MACC1: variants seen among roughly 807,000 people sequenced by gnomAD.
MACC1 encodes the protein metastasis-associated in colon cancer protein 1.
MACC1 carries 79 observed loss-of-function variants against 70.7 expected under a neutral mutation model. The ratio of observed to expected loss-of-function variants is 1.12; its 90% CI spans 0.93 to 1.35. The LOEUF (loss-of-function observed/expected upper bound fraction) is 1.35. Among genes scored for constraint, MACC1 ranks in the 40% most tolerant of loss-of-function variants. The pLI is 0.00. For synonymous variants in MACC1, 361 were observed against 347.2 expected (o/e 1.04, Z -0.44); for missense variants, 1,106 against 978.1 (o/e 1.13, Z -1.74).
At chr7:20,194,328 C>T (rs114378319) in intron 1 of MACC1, among the ~76,000 whole-genome samples, 1,775 of 152,226 alleles carry the variant, frequency 0.012, 33 homozygotes, top group African/African-American at 0.04. Flanking sequence ...TCAGTGATGT[C>T]AGAAGGCAGG....
At chr7:20,169,929 C>T (rs1782278719) in intron 2 of MACC1, among the ~76,000 whole-genome samples, 6 of 152,180 alleles carry the variant, frequency 3.9e-5, no homozygotes, top group Admixed American at 3.9e-4. Flanking sequence ...ATAGAAATAA[C>T]TTTGCCAACT....
intron 1 of MACC1, among the ~76,000 whole-genome samples, chr7:20,176,828 G>A (rs1356888676): frequency 2.6e-5 from 4 of 152,206 alleles, no homozygotes; most frequent in African/African-American, 9.6e-5. Context: ...AGTCGCATAA[G>A]GTATGATTTC....
At chr7:20,177,764 T>G (rs2128105448) in intron 1 of MACC1, among the ~76,000 whole-genome samples, 1 of 151,404 alleles carries the variant, frequency 6.6e-6, no homozygotes, top group Admixed American at 6.6e-5. Context: ...TAATGCATCT[T>G]ACAGGGGAAG....
At chr7:20,187,852 T>C (rs1347975288) in intron 1 of MACC1, among the ~76,000 whole-genome samples, 1 of 152,194 alleles carries the variant, frequency 6.6e-6, no homozygotes, top group Non-Finnish European at 1.5e-5. Flanking sequence ...GCTTCATATT[T>C]TAGTTAAGAG....
chr7:20,148,348 C>A (rs1261986960), intron 6 of MACC1, among the ~76,000 whole-genome samples: 5 of 152,142 alleles, frequency 3.3e-5, no homozygotes, highest in African/African-American at 1.2e-4. Context: ...TGCTATAAAT[C>A]TAGGGCCATT....
At chr7:20,188,609 C>T (rs776299871) in intron 1 of MACC1, among the ~76,000 whole-genome samples, 15 of 152,254 alleles carry the variant, frequency 9.9e-5, no homozygotes, top group Non-Finnish European at 2.1e-4. Context: ...CAGGCACACA[C>T]ACAAAGTACT....
intron 1 of MACC1, among the ~76,000 whole-genome samples, chr7:20,208,800 C>A (rs1401760218): frequency 2.0e-5 from 3 of 152,236 alleles, no homozygotes; most frequent in African/African-American, 7.2e-5. Flanking sequence ...CCTCGAATCA[C>A]AGGCCCAGAG....
At chr7:20,181,177 A>T (rs1473589723) in intron 1 of MACC1, among the ~76,000 whole-genome samples, 1 of 152,078 alleles carries the variant, frequency 6.6e-6, no homozygotes, top group Non-Finnish European at 1.5e-5. Flanking sequence ...TAGGACTGCC[A>T]GCTAAAACTA....
At chr7:20,209,570 A>T (rs954830454) in intron 1 of MACC1, among the ~76,000 whole-genome samples, 3 of 152,226 alleles carry the variant, frequency 2.0e-5, no homozygotes, top group Non-Finnish European at 4.4e-5. Context: ...TCTAGGGAGT[A>T]ACTAACTTGT....
At chr7:20,188,771 A>G (rs1318400879) in intron 1 of MACC1, among the ~76,000 whole-genome samples, 2 of 152,122 alleles carry the variant, frequency 1.3e-5, no homozygotes, top group Non-Finnish European at 2.9e-5. Flanking sequence ...ATTGCTCAAC[A>G]TGCTTGACCT....
chr7:20,143,312 A>T (rs1781834576), intron 6 of MACC1, among the ~76,000 whole-genome samples: 1 of 152,222 alleles, frequency 6.6e-6, no homozygotes, highest in South Asian at 2.1e-4. Flanking sequence ...AGGTCCGACG[A>T]CACATCTACT....
chr7:20,204,444 C>A (rs1782880700), intron 1 of MACC1, among the ~76,000 whole-genome samples: 1 of 152,202 alleles, frequency 6.6e-6, no homozygotes, highest in Admixed American at 6.5e-5. Flanking sequence ...TGAGCCACTG[C>A]ACCCGGCCTG....
chr7:20,173,962 T>C (rs1782353780), intron 1 of MACC1, among the ~76,000 whole-genome samples: 1 of 152,172 alleles, frequency 6.6e-6, no homozygotes, highest in Admixed American at 6.5e-5. Flanking sequence ...TCAGATTTGA[T>C]TCATAAAAAT....
Position 20,154,276 on chromosome 7 carries a change from C to T in MACC1, c.2263G>A (p.Glu755Lys), listed in dbSNP as rs145417032. The part of the protein sequence containing the change: ...KLGKGWRELA[E>K]KLVRLTKQQM... ...TGCTTTGTGAGTCGTACTAACTTTT[C>T]AGCTAGTTCCCTCCAGCCTTTTCCA... Residue 755 changes from glutamate to lysine, a missense_variant, in exon 6 of 7, where the codon GAA (glutamate) becomes AAA (lysine). Coordinates refer to ENST00000400331, the MANE Select transcript of MACC1 (RefSeq NM_182762.4). 1.7e-4 allele frequency: 278 copies of T among 1,613,858 alleles called. 1 individual carries two copies. The highest frequency in any genetic ancestry group is 3.4e-5 in the Non-Finnish European group (40 of 1,179,938).
intron 1 of MACC1, among the ~76,000 whole-genome samples, chr7:20,189,724 G>A (rs1029578643): frequency 1.3e-5 from 2 of 149,116 alleles, no homozygotes; most frequent in Non-Finnish European, 3.0e-5. Context: ...GACAGAGACA[G>A]ACAGACAGAC....
intron 1 of MACC1, among the ~76,000 whole-genome samples, chr7:20,178,869 G>C (rs1202548537): frequency 6.6e-6 from 1 of 152,062 alleles, no homozygotes; most frequent in African/African-American, 2.4e-5. Flanking sequence ...CAAAGTGTTG[G>C]GATTACAGAT....
chr7:20,145,264 TG>T (rs1401008040), intron 6 of MACC1, among the ~76,000 whole-genome samples: 1 of 152,134 alleles, frequency 6.6e-6, no homozygotes, highest in Non-Finnish European at 1.5e-5. Flanking sequence ...AAGAAAAACT[TG>T]GCAAATCCAG....
intron 2 of MACC1, among the ~76,000 whole-genome samples, chr7:20,169,851 AT>A (rs1017148471): frequency 5.9e-5 from 9 of 152,250 alleles, no homozygotes; most frequent in African/African-American, 2.2e-4. Context: ...GAAATACTGT[AT>A]AAAAAGTGGC....
rs751820985 is a variant in MACC1, at chr7:20,158,292, G to C, written c.2069C>G (p.Ser690Ter). The change falls in exon 5 of 7, where the codon TCA becomes TGA. Residue 690 changes from serine (S) to a stop codon, truncating the protein, a stop_gained. Coordinates refer to ENST00000400331, the MANE Select transcript of MACC1 (RefSeq NM_182762.4). LOFTEE classifies it high-confidence loss of function. ...DFDQIQADKE[S>*]EKVSYVIKKL... Reference sequence around the variant, plus strand: ...CTTTATAACATAAGAAACTTTCTCTGATTCTTTGTCTGCTTGAATTTGATC... The same window carrying C: ...CTTTATAACATAAGAAACTTTCTCTCATTCTTTGTCTGCTTGAATTTGATC... The C allele has an allele frequency of 1.9e-6, 3 of 1,612,966 alleles. No homozygotes were observed. Among genetic ancestry groups the C allele is most frequent in the Non-Finnish European group, 2.5e-6 (3 of 1,179,860 alleles).
Sources: gnomAD v4.1 joint callset for allele counts (sites outside exome capture counted in the v4.1 genomes callset) on GRCh38, gnomAD v4.1.1 for gene constraint, MANE v1.5 for transcripts, NCBI Gene and HGNC (gene_info 2026-07-23, HGNC 2026-07-21) for gene names.